The following MCF2L2 variants were observed in gnomAD, a reference collection of about 807,000 sequenced individuals.
MCF2L2 encodes probable guanine nucleotide exchange factor MCF2L2.
MCF2L2 carries 102 observed loss-of-function variants against 150.2 expected under a neutral mutation model. The ratio of observed to expected loss-of-function variants is 0.68; its 90% CI spans 0.58 to 0.80. The LOEUF is 0.80. Ranked by LOEUF, MCF2L2 falls within the 30% of genes least tolerant of loss-of-function variation. The probability of loss-of-function intolerance (pLI) is 0.00; values close to 1 mark genes in which losing one functional copy is unlikely to be tolerated. For missense variants in MCF2L2, 1,256 were observed against 1,372.8 expected, an observed-to-expected ratio of 0.91 and a Z score of 1.34; for synonymous variants, 465 against 491.3, an observed-to-expected ratio of 0.95 and a Z score of 0.71.
At chr3:183,379,454 C>A (rs754430853) in intron 2 of MCF2L2, 43 bp from the exon 3 acceptor site, 1 of 1,353,982 alleles carries the variant, frequency 7.4e-7, no homozygotes, top group Non-Finnish European at 1.0e-6. Context: ...AAAATGTTGT[C>A]CTGTCACACC....
intron 5 of MCF2L2, among the ~76,000 whole-genome samples, chr3:183,329,237 C>T (rs1730170389): frequency 6.6e-6 from 1 of 152,212 alleles, no homozygotes; most frequent in African/African-American, 2.4e-5. Flanking sequence ...CGCTCTGTCG[C>T]CCAGGCTGGA....
intron 3 of MCF2L2, among the ~76,000 whole-genome samples, chr3:183,353,417 T>A (rs2108555873): frequency 6.6e-6 from 1 of 152,318 alleles, no homozygotes; most frequent in Non-Finnish European, 1.5e-5. Context: ...ATTAGCCCGT[T>A]CCCGCACTGC....
chr3:183,203,082 G>T (rs547141526), intron 25 of MCF2L2, among the ~76,000 whole-genome samples: 1 of 152,004 alleles, frequency 6.6e-6, no homozygotes, highest in African/African-American at 2.4e-5. Flanking sequence ...GCATGGTGGC[G>T]TGCACCTGTA....
chr3:183,215,949 A>T lies in MCF2L2; in HGVS notation c.2496+20T>A. 1 of 1,609,670 alleles carries T rather than the reference A, an allele frequency of 6.2e-7. No individual in the cohort carries two copies. The highest frequency in any genetic ancestry group is 1.1e-5 in the South Asian group (1 of 90,474). ...ACCTGCCTTTTGTGTGAGATGCTCTAACACTACTATGGAACATACCGGACA... is the reference window on the plus strand; with the variant it reads ...ACCTGCCTTTTGTGTGAGATGCTCTTACACTACTATGGAACATACCGGACA... On this transcript the variant is annotated intron_variant, in intron 22 of 29. Transcript: ENST00000328913.
chr3:183,405,055 C>A (rs1290337054), intron 1 of MCF2L2, among the ~76,000 whole-genome samples: 1 of 151,834 alleles, frequency 6.6e-6, no homozygotes, highest in Non-Finnish European at 1.5e-5. Flanking sequence ...ATAGAATTTA[C>A]AATATAATTG....
At chr3:183,255,288 CA>C (rs1188852518) in intron 15 of MCF2L2, among the ~76,000 whole-genome samples, 1 of 152,186 alleles carries the variant, frequency 6.6e-6, no homozygotes, top group Non-Finnish European at 1.5e-5. Flanking sequence ...GATTAGTGAT[CA>C]GCAGCAGACG....
chr3:183,283,734 C>A lies in MCF2L2; in HGVS notation c.1776+5386G>T, dbSNP rs1183198083. 1.3e-5 allele frequency among the ~76,000 whole-genome samples: 2 copies of A among 152,106 alleles called. No homozygotes were observed. Among genetic ancestry groups the A allele is most frequent in the Non-Finnish European group, 2.9e-5 (2 of 68,020 alleles). On this transcript the variant is annotated intron_variant, in intron 14 of 29. Coordinates refer to ENST00000328913, the MANE Select transcript of MCF2L2 (RefSeq NM_015078.4). The surrounding 1 kb of genome is among the most constrained non-coding windows in gnomAD (Gnocchi z 4.2). The stretch of plus-strand genomic sequence containing the variant: ...ACGAGGTTTCACCATGTTGGTCAGT[C>A]TGGTCTTGAACTCCTGAACTCAGGT...
chr3:183,243,874 C>A (rs1724136761), intron 15 of MCF2L2, among the ~76,000 whole-genome samples: 1 of 152,148 alleles, frequency 6.6e-6, no homozygotes, highest in African/African-American at 2.4e-5. Context: ...GAAATCTATC[C>A]TTCTGTAATC....
chr3:183,323,178 C>A, intron 6 of MCF2L2, 57 bp downstream of exon 6: 2 of 1,267,004 alleles, frequency 1.6e-6, no homozygotes. Flanking sequence ...ACTCCCCCAC[C>A]CCATCTTCCA....
intron 21 of MCF2L2, among the ~76,000 whole-genome samples, chr3:183,216,302 C>A: frequency 6.6e-6 from 1 of 150,894 alleles, no homozygotes; most frequent in Non-Finnish European, 1.5e-5. Flanking sequence ...AAATCATCTA[C>A]CTCTGTGCAT....
At chr3:183,245,206 G>A (rs771316607) in intron 15 of MCF2L2, among the ~76,000 whole-genome samples, 3 of 152,162 alleles carry the variant, frequency 2.0e-5, no homozygotes, top group Non-Finnish European at 2.9e-5. Flanking sequence ...TTATTCATTT[G>A]CAACCCTGAT....
chr3:183,394,535 G>A (rs1444184272), intron 1 of MCF2L2, among the ~76,000 whole-genome samples: 1 of 152,200 alleles, frequency 6.6e-6, no homozygotes, highest in African/African-American at 2.4e-5. Flanking sequence ...TCACTGCTCT[G>A]TTTTATTGGC....
At position 183,295,418 on chromosome 3, in the gene MCF2L2, C is replaced by G. The variant is rs755179605; in HGVS notation, c.1557G>C (p.Arg519Ser). Residue 519 changes from arginine (R) to serine (S), a missense_variant, in exon 13 of 30, where the codon AGG becomes AGC. Coordinates refer to ENST00000328913, the MANE Select transcript of MCF2L2 (RefSeq NM_015078.4). ...LDDVQEIFHK[R>S]QVSLMKLAAK... ...CTGCCAGTTTCATCAGACTCACTTG[C>G]CTCTTGTGAAATATTTCCTGGACAT... is the stretch of plus-strand genomic sequence containing the variant. 1 of 1,614,072 alleles carries G rather than the reference C, an allele frequency of 6.2e-7. No homozygotes were observed. Among genetic ancestry groups the G allele is most frequent in the Admixed American group, 1.7e-5 (1 of 59,994 alleles).
rs886586304 is a variant in MCF2L2, at chr3:183,291,469, T to C, written c.1676-2249A>G. ...AATGCATAACACATTTTAGCTATTA[T>C]TGCCACATGGCACTAAAAAGTTTTT... On this transcript the variant is annotated intron_variant, in intron 13 of 29. Coordinates refer to ENST00000328913, the MANE Select transcript of MCF2L2 (RefSeq NM_015078.4). Among the ~76,000 whole-genome samples, 5 of 152,268 alleles carry C rather than the reference T, an allele frequency of 3.3e-5. No individual in the cohort carries two copies. In the East Asian group the frequency reaches 9.6e-4, roughly 29 times the overall value.
chr3:183,198,758 G>T (rs1210105316), intron 25 of MCF2L2, among the ~76,000 whole-genome samples: 2 of 152,114 alleles, frequency 1.3e-5, no homozygotes, highest in African/African-American at 4.8e-5. Context: ...TTGAATGCAG[G>T]TGGTCCTTAA....
intron 5 of MCF2L2, among the ~76,000 whole-genome samples, chr3:183,335,702 T>TAA (rs113570971): frequency 4.0e-5 from 6 of 151,326 alleles, no homozygotes; most frequent in African/African-American, 4.9e-5. Flanking sequence ...ACCCCCTCTC[T>TAA]AAAAAAAATT....
chr3:183,266,044 G>A (rs1218008690), intron 15 of MCF2L2: 4 of 152,230 alleles, frequency 2.6e-5, no homozygotes, highest in Non-Finnish European at 5.9e-5. Context: ...TACATGTTGA[G>A]GGTGGGGACA....
chr3:183,347,039 C>T (rs984772808), intron 3 of MCF2L2, among the ~76,000 whole-genome samples: 1 of 152,254 alleles, frequency 6.6e-6, no homozygotes, highest in Middle Eastern at 3.4e-3. Flanking sequence ...ACTTTCTTCA[C>T]AGAATTAGAA....
chr3:183,247,139 C>T (rs1724294140), intron 15 of MCF2L2, among the ~76,000 whole-genome samples: 1 of 152,152 alleles, frequency 6.6e-6, no homozygotes, highest in African/African-American at 2.4e-5. Context: ...CACAGAAGAG[C>T]AAGTCAGGGC....
Sources: gnomAD v4.1 joint callset for allele counts (sites outside exome capture counted in the v4.1 genomes callset) on GRCh38, gnomAD v4.1.1 for gene constraint, Gnocchi (gnomAD v3.1) non-coding constraint, MANE v1.5 for transcripts, NCBI Gene and HGNC (gene_info 2026-07-23, HGNC 2026-07-21) for gene names.